SLC12A1: variants seen among roughly 807,000 people sequenced by gnomAD.
The protein encoded by SLC12A1 is Na-K-2Cl cotransporter.
In SLC12A1, 89 loss-of-function variants were observed where a neutral mutation model predicts 130.4. The ratio of observed to expected loss-of-function variants is 0.68; its 90% CI spans 0.58 to 0.81. The LOEUF (loss-of-function observed/expected upper bound fraction) is 0.81, where lower values mean the gene tolerates loss of function less well. SLC12A1 is among the 40% of genes least tolerant of loss of function. The pLI is 0.00. For synonymous variants in SLC12A1, 499 were observed against 460.0 expected, an observed-to-expected ratio of 1.08 and a Z score of -1.09; for missense variants, 1,310 against 1,336.4, an observed-to-expected ratio of 0.98 and a Z score of 0.31.
intron 4 of SLC12A1, 171 bp from the exon 5 acceptor site, chr15:48,226,305 T>C: frequency 1.8e-6 from 1 of 545,598 alleles, no homozygotes. Flanking sequence ...AGCAGTTCTC[T>C]GACTTGGTCT....
intron 1 of SLC12A1, 39 bp downstream of exon 1, chr15:48,206,369 T>C (rs1425300766): frequency 1.3e-5 from 2 of 152,194 alleles, no homozygotes; most frequent in Non-Finnish European, 2.9e-5. Context: ...AAATCATACT[T>C]AATATTATGT....
intron 20 of SLC12A1, among the ~76,000 whole-genome samples, chr15:48,280,904 C>A (rs2042003399): frequency 6.6e-6 from 1 of 152,106 alleles, no homozygotes; most frequent in African/African-American, 2.4e-5. Flanking sequence ...ACTTGTTTTT[C>A]TTCTTTTATA....
rs1373526957 is a variant in SLC12A1, at chr15:48,244,883, C to T, written c.1431C>T (p.Tyr477=). Residue 477 remains tyrosine, a synonymous_variant, in exon 11 of 27, where the codon TAC becomes TAT. Transcript: ENST00000380993. ...FSRCRHEPCQ[Y]GLMNNFQVMS... ...GATGTCGACATGAACCATGTCAGTACGGGCTGATGAACAATTTCCAGGTTT... is the reference window on the plus strand; with the variant it reads ...GATGTCGACATGAACCATGTCAGTATGGGCTGATGAACAATTTCCAGGTTT... 1.4e-5 allele frequency: 22 copies of T among 1,613,696 alleles called. No homozygotes were observed. The highest frequency in any genetic ancestry group is 8.9e-5 in the East Asian group (4 of 44,892).
At chr15:48,278,807 T>C (rs900781014) in intron 20 of SLC12A1, among the ~76,000 whole-genome samples, 2 of 152,226 alleles carry the variant, frequency 1.3e-5, no homozygotes, top group Non-Finnish European at 2.9e-5. Flanking sequence ...AAAGATGTGA[T>C]GTAGCTGAAA....
At chr15:48,263,292 T>C (rs2041795973) in intron 17 of SLC12A1, among the ~76,000 whole-genome samples, 1 of 152,210 alleles carries the variant, frequency 6.6e-6, no homozygotes, top group African/African-American at 2.4e-5. Context: ...GTCATTATTG[T>C]CCAAAAACAC....
At chr15:48,245,402 G>C (rs998668413) in intron 11 of SLC12A1, among the ~76,000 whole-genome samples, 1 of 152,116 alleles carries the variant, frequency 6.6e-6, no homozygotes, top group Non-Finnish European at 1.5e-5. Context: ...CCAACAGCTA[G>C]TTTTCAACCC....
At chr15:48,279,507 T>C (rs2041989250) in intron 20 of SLC12A1, among the ~76,000 whole-genome samples, 1 of 152,170 alleles carries the variant, frequency 6.6e-6, no homozygotes, top group Non-Finnish European at 1.5e-5. Context: ...GAGAATAACT[T>C]TTAATATAAA....
At chr15:48,289,493 C>CAT (rs1310752539) in intron 23 of SLC12A1, among the ~76,000 whole-genome samples, 20 of 131,836 alleles carry the variant, frequency 1.5e-4, no homozygotes, top group African/African-American at 6.3e-4. Context: ...TGTATATACA[C>CAT]ACACACAGTT....
At chr15:48,263,747 C>T (rs1697780307) in intron 17 of SLC12A1, among the ~76,000 whole-genome samples, 1 of 152,100 alleles carries the variant, frequency 6.6e-6, no homozygotes, top group African/African-American at 2.4e-5. Flanking sequence ...AGCTGGAGTA[C>T]AATGGCGCAA....
rs1439438479 is a variant in SLC12A1, at chr15:48,232,818, G to A, written c.1067G>A (p.Arg356Lys). 6.2e-7 allele frequency: 1 copy of A among 1,608,798 alleles called. No homozygotes were observed. The highest frequency in any genetic ancestry group is 8.5e-7 in the Non-Finnish European group (1 of 1,175,616). Residue 356 changes from arginine to lysine, a missense_variant, in exon 8 of 27, where the codon AGA (arginine) becomes AAA (lysine). Transcript: ENST00000380993. ...CCATCCAACAATGAGAAAAAGTCCA[G>A]AGGTTTCTTTAATTACCAAGGTACA... Reference protein sequence around the residue: ...VIPSNNEKKSRGFFNYQASIF... With the variant: ...VIPSNNEKKSKGFFNYQASIF...
chr15:48,229,977 G>A (rs1304836153), intron 6 of SLC12A1, among the ~76,000 whole-genome samples: 2 of 152,124 alleles, frequency 1.3e-5, no homozygotes, highest in African/African-American at 4.8e-5. Context: ...GCATTATCAG[G>A]TTTGTGTCAT....
intron 19 of SLC12A1, among the ~76,000 whole-genome samples, chr15:48,270,340 C>A (rs2041879748): frequency 6.6e-6 from 1 of 152,084 alleles, no homozygotes; most frequent in Non-Finnish European, 1.5e-5. Context: ...TCTTAAAGGA[C>A]TAGCAGGCTG....
At chr15:48,273,085 G>T (rs2041914661) in intron 19 of SLC12A1, among the ~76,000 whole-genome samples, 1 of 140,042 alleles carries the variant, frequency 7.1e-6, no homozygotes, top group South Asian at 2.3e-4. Context: ...AGCCTGGGTG[G>T]CAGAGTCAGA....
chr15:48,298,774 A>C (rs577348325), intron 24 of SLC12A1, among the ~76,000 whole-genome samples: 35 of 152,336 alleles, frequency 2.3e-4, no homozygotes, highest in Non-Finnish European at 3.2e-4. Context: ...TTGTGTGGTA[A>C]AGTATCTACA....
At chr15:48,257,157 G>T (rs1304204674) in intron 16 of SLC12A1, among the ~76,000 whole-genome samples, 1 of 152,220 alleles carries the variant, frequency 6.6e-6, no homozygotes, top group Admixed American at 6.5e-5. Flanking sequence ...TTGACTCCAT[G>T]TCTCATATCC....
Position 48,250,676 on chromosome 15 carries a change from TCACACA to T in SLC12A1, c.1787-913_1787-908del, listed in dbSNP as rs56705329. Reference sequence around the variant, plus strand: ...TACACAAACCCAGAAAATGTCTGCCTCACACACACACACACACACACACACACACAC... The same window carrying T: ...TACACAAACCCAGAAAATGTCTGCCTCACACACACACACACACACACACAC... On this transcript the variant is annotated intron_variant, in intron 14 of 26. Transcript: ENST00000380993. Among the ~76,000 whole-genome samples the T allele has an allele frequency of 5.2e-3, 755 of 145,588 alleles. 5 individuals are homozygous for T. The highest frequency in any genetic ancestry group is 9.5e-3 in the Admixed American group (141 of 14,852).
At chr15:48,255,948 C>T (rs767931981) in intron 16 of SLC12A1, 38 bp downstream of exon 16, 12 of 1,268,298 alleles carry the variant, frequency 9.5e-6, no homozygotes, top group East Asian at 4.9e-5. Context: ...TGTTTTTCCA[C>T]CCTAGAAGTG....
chr15:48,297,544 A>C (rs12050648), intron 24 of SLC12A1, among the ~76,000 whole-genome samples: 2 of 152,060 alleles, frequency 1.3e-5, no homozygotes, highest in African/African-American at 4.8e-5. Context: ...CTATTTTTGT[A>C]CTGTGCTTTC....
chr15:48,284,322 C>T (rs1017767680), intron 20 of SLC12A1, among the ~76,000 whole-genome samples: 8 of 152,156 alleles, frequency 5.3e-5, no homozygotes, highest in African/African-American at 1.9e-4. Context: ...TTAATTCTTG[C>T]TGTCTAGTTT....
Sources: gnomAD v4.1 joint callset for allele counts (sites outside exome capture counted in the v4.1 genomes callset) on GRCh38, gnomAD v4.1.1 for gene constraint, MANE v1.5 for transcripts, NCBI Gene and HGNC (gene_info 2026-07-23, HGNC 2026-07-21) for gene names.